The following LAPTM4B variants were observed in gnomAD, a reference collection of about 807,000 sequenced individuals.
LAPTM4B encodes lysosomal protein transmembrane 4 beta.
A neutral mutation model predicts 28.5 loss-of-function variants in LAPTM4B; 26 were observed. The observed-to-expected ratio is 0.91, with a 90% CI of 0.67 to 1.27. LAPTM4B has a LOEUF of 1.27. Ranked by LOEUF, LAPTM4B falls within the 50% of genes most tolerant of loss-of-function variation. LAPTM4B has a pLI of 0.00. For synonymous variants in LAPTM4B, 109 were observed against 106.4 expected, an observed-to-expected ratio of 1.02 and a Z score of -0.15; for missense variants, 288 against 285.8, an observed-to-expected ratio of 1.01 and a Z score of -0.06.
At chr8:97,778,694 C>T (rs993829737) in intron 1 of LAPTM4B, among the ~76,000 whole-genome samples, 2 of 152,122 alleles carry the variant, frequency 1.3e-5, no homozygotes, top group Admixed American at 1.3e-4. Context: ...TTCCTGTAAC[C>T]ATTTGTCCTT....
At chr8:97,831,625 A>C (rs556191490) in intron 6 of LAPTM4B, among the ~76,000 whole-genome samples, 2 of 152,306 alleles carry the variant, frequency 1.3e-5, no homozygotes, top group South Asian at 4.1e-4. Flanking sequence ...CTTGTGAGGC[A>C]GGGAGAAGGA....
chr8:97,812,770 C>CT (rs1586331858), intron 2 of LAPTM4B, among the ~76,000 whole-genome samples: 1 of 152,156 alleles, frequency 6.6e-6, no homozygotes, highest in East Asian at 1.9e-4. Context: ...CCTCACTCTA[C>CT]TTCCCTCTTT....
intron 6 of LAPTM4B, among the ~76,000 whole-genome samples, chr8:97,826,373 G>T (rs964725386): frequency 6.6e-6 from 1 of 152,164 alleles, no homozygotes; most frequent in Non-Finnish European, 1.5e-5. Flanking sequence ...CAGTAATCAC[G>T]TGTTCTGCTC....
intron 5 of LAPTM4B, among the ~76,000 whole-genome samples, chr8:97,824,252 C>T (rs1242645242): frequency 2.6e-5 from 4 of 152,096 alleles, no homozygotes; most frequent in East Asian, 1.9e-4. Flanking sequence ...TTTAACCTTT[C>T]GAACTGCCGG....
rs55645609 is a variant in LAPTM4B, at chr8:97,837,195, C to CTTT, written c.603+12056_603+12058dup. Among the ~76,000 whole-genome samples, 492 of 136,948 alleles carry CTTT rather than the reference C, an allele frequency of 3.6e-3. 5 individuals are homozygous for CTTT. Among genetic ancestry groups the CTTT allele is most frequent in the South Asian group, 8.3e-3 (36 of 4,334 alleles). 89.8% of individuals were successfully genotyped at this position (136,948 alleles called of 152,430 possible). On this transcript the variant is annotated intron_variant, in intron 6 of 6. Coordinates refer to ENST00000521545, the MANE Select transcript of LAPTM4B (RefSeq NM_018407.6). ...AAATTTGATGTTTTTCCTCCTGCCA[C>CTTT]TTTTTTTTTTTTTTTTGGAGACAGA...
rs1360540438 is a variant in LAPTM4B, at chr8:97,815,390, G to A, written c.274G>A (p.Gly92Arg). Residue 92 changes from glycine (G) to arginine (R), a missense_variant, in exon 3 of 7, where the codon GGA becomes AGA. Transcript: ENST00000521545. ...MILICAMATY[G>R]AYKQRAAWII... is the part of the protein sequence containing the mutation. The stretch of plus-strand genomic sequence containing the variant: ...CCTGATATGTGCTATGGCTACTTAC[G>A]GAGCGTACAAGGTAAGCCGCTTGCA... The A allele has an allele frequency of 4.3e-6, 7 of 1,613,190 alleles. No individual in the cohort carries two copies. The highest frequency in any genetic ancestry group is 5.9e-6 in the Non-Finnish European group (7 of 1,179,244).
At chr8:97,811,588 A>T (rs1315349994) in intron 2 of LAPTM4B, among the ~76,000 whole-genome samples, 2 of 152,166 alleles carry the variant, frequency 1.3e-5, no homozygotes, top group Admixed American at 1.3e-4. Context: ...GCCTTTCCTG[A>T]TGGCTCTCAA....
intron 6 of LAPTM4B, among the ~76,000 whole-genome samples, chr8:97,826,003 G>GT (rs1457322528): frequency 1.3e-5 from 2 of 152,168 alleles, no homozygotes; most frequent in Non-Finnish European, 2.9e-5. Context: ...AGAGTTTTGT[G>GT]TTTTTGGTTT....
intron 6 of LAPTM4B, among the ~76,000 whole-genome samples, chr8:97,841,062 A>G (rs1817340372): frequency 6.8e-6 from 1 of 146,254 alleles, no homozygotes; most frequent in South Asian, 2.2e-4. Context: ...CTCACTTCCC[A>G]GACAGTGGGG....
At position 97,816,094 on chromosome 8, in the gene LAPTM4B, C is replaced by G; in HGVS notation, c.322C>G (p.Gln108Glu). 6.2e-7 allele frequency: 1 copy of G among 1,613,426 alleles called. No individual in the cohort carries two copies. The highest frequency in any genetic ancestry group is 8.5e-7 in the Non-Finnish European group (1 of 1,179,712). ...AAWIIPFFCY[Q>E]IFDFALNMLV... is the part of the protein sequence containing the mutation. ...CTGGATCATCCCATTCTTCTGTTAC[C>G]AGATCTTTGACTTTGCCCTGAACAT... Residue 108 changes from glutamine to glutamate, a missense_variant, in exon 4 of 7, where the codon CAG becomes GAG. By Grantham distance (29) the Gln-to-Glu change is conservative. Transcript: ENST00000521545.
At position 97,842,212 on chromosome 8, in the gene LAPTM4B, CAT is replaced by C. The variant is rs1055722012; in HGVS notation, c.604-9184_604-9183del. 2.9e-5 allele frequency among the ~76,000 whole-genome samples: 4 copies of C among 139,078 alleles called. No homozygotes were observed. In the East Asian group the frequency reaches 7.9e-4, roughly 27 times the overall value. 91.2% of individuals were successfully genotyped at this position (139,078 alleles called of 152,430 possible). A position where few individuals can be genotyped will look rare whatever the true frequency, so the allele number is the denominator to read the frequency against. On this transcript the variant is annotated intron_variant, in intron 6 of 6. Coordinates refer to ENST00000521545, the MANE Select transcript of LAPTM4B (RefSeq NM_018407.6). Reference sequence around the variant, plus strand: ...AATTTTGAATTTCATATGATTTTCACATGTCGCAAAACATTTTTCTTTTGAAT... The same window carrying C: ...AATTTTGAATTTCATATGATTTTCACGTCGCAAAACATTTTTCTTTTGAAT...
intron 6 of LAPTM4B, among the ~76,000 whole-genome samples, chr8:97,830,238 G>A (rs576547994): frequency 2.6e-5 from 4 of 152,110 alleles, no homozygotes; most frequent in African/African-American, 9.7e-5. Context: ...GAGATAATTA[G>A]GGAGGGGTAG....
intron 1 of LAPTM4B, among the ~76,000 whole-genome samples, chr8:97,799,300 T>C (rs1029427710): frequency 6.6e-6 from 1 of 152,236 alleles, no homozygotes. Flanking sequence ...CTTAATTGGC[T>C]TTCTAGAATT....
At chr8:97,843,160 C>T (rs1817378472) in intron 6 of LAPTM4B, among the ~76,000 whole-genome samples, 1 of 152,178 alleles carries the variant, frequency 6.6e-6, no homozygotes, top group Admixed American at 6.5e-5. Context: ...GGATTACAGG[C>T]GTGAGCCACC....
intron 6 of LAPTM4B, among the ~76,000 whole-genome samples, chr8:97,845,501 C>T (rs540476929): frequency 2.0e-5 from 3 of 152,280 alleles, no homozygotes; most frequent in African/African-American, 7.2e-5. Flanking sequence ...TCTCCTCACC[C>T]CGTTCCAGGC....
In LAPTM4B at chr8:97,852,942, G is replaced by A. The variant is rs1817551597; in HGVS notation, c.*1468G>A. 2.1e-6 allele frequency: 1 copy of A among 484,798 alleles called. No individual in the cohort carries two copies. The highest frequency in any genetic ancestry group is 3.6e-5 in the East Asian group (1 of 28,046). 30.0% of individuals were successfully genotyped at this position (484,798 alleles called of 1,614,324 possible). ...GAGAATAAATTACCATTGGTGTGGG[G>A]GAAAAAAGCCAAACAGAAGTAGAAA... On this transcript the variant is annotated 3_prime_UTR_variant, in exon 7 of 7. Transcript: ENST00000521545.
intron 1 of LAPTM4B, among the ~76,000 whole-genome samples, chr8:97,800,013 A>G (rs1186045601): frequency 6.6e-6 from 1 of 151,916 alleles, no homozygotes; most frequent in Non-Finnish European, 1.5e-5. Flanking sequence ...GCAACCCCTG[A>G]CTGTAACTCT....
chr8:97,837,294 G>A (rs898621738), intron 6 of LAPTM4B, among the ~76,000 whole-genome samples: 7 of 149,820 alleles, frequency 4.7e-5, no homozygotes, highest in East Asian at 2.0e-4. Flanking sequence ...CCAGGTTCAC[G>A]TTATTCTCCT....
At chr8:97,797,430 G>T (rs1816607889) in intron 1 of LAPTM4B, among the ~76,000 whole-genome samples, 2 of 152,230 alleles carry the variant, frequency 1.3e-5, no homozygotes, top group South Asian at 2.1e-4. Context: ...ACCGCGCCCG[G>T]CTGGAATTAC....
Sources: gnomAD v4.1 joint callset for allele counts (sites outside exome capture counted in the v4.1 genomes callset) on GRCh38, gnomAD v4.1.1 for gene constraint, MANE v1.5 for transcripts, NCBI Gene and HGNC (gene_info 2026-07-23, HGNC 2026-07-21) for gene names.